The following SNRPB2 variants were observed in gnomAD, a reference collection of about 807,000 sequenced individuals.
SNRPB2 encodes the protein small nuclear ribonucleoprotein polypeptide B2, also known as U2 small nuclear ribonucleoprotein B''.
In SNRPB2, 16 loss-of-function variants were observed where a neutral mutation model predicts 26.3. The ratio of observed to expected loss-of-function variants is 0.61; its 90% CI spans 0.41 to 0.92. The LOEUF (loss-of-function observed/expected upper bound fraction) is 0.92, where lower values mean the gene tolerates loss of function less well. SNRPB2 is among the 40% of genes least tolerant of loss of function. The pLI is 0.00. For missense variants in SNRPB2, 179 were observed against 268.1 expected (o/e 0.67, Z 2.32); for synonymous variants, 75 against 89.0 (o/e 0.84, Z 0.88).
In SNRPB2 at chr20:16,733,033, T is replaced by C. The variant is rs151131909; in HGVS notation, c.237+697T>C. ...TTTCTATGTATGAGTGAATACACCA[T>C]ATCTTAGGTGTGGATTCCAAACTGC... On this transcript the variant is annotated intron_variant, in intron 3 of 6. Transcript: ENST00000246071. 2.9e-3 allele frequency among the ~76,000 whole-genome samples: 445 copies of C among 152,252 alleles called. 6 individuals are homozygous for C. Among genetic ancestry groups the C allele is most frequent in the African/African-American group, 0.01 (421 of 41,540 alleles).
At chr20:16,740,622 G>GATGTAATAACAA (rs2072457063) in intron 6 of SNRPB2, among the ~76,000 whole-genome samples, 1 of 152,174 alleles carries the variant, frequency 6.6e-6, no homozygotes, top group Non-Finnish European at 1.5e-5. Flanking sequence ...AACTCTGATT[G>GATGTAATAACAA]ATGTAATAAC....
chr20:16,731,792 C>A lies in SNRPB2; in HGVS notation c.64+26C>A. On this transcript the variant is annotated intron_variant, in intron 2 of 6. Transcript: ENST00000246071. ...GTAAGTGCTTTTTAGAATACTTGTT[C>A]ACTACTAAAATGTGTTTATTTACTA... 2.5e-6 allele frequency: 4 copies of A among 1,610,942 alleles called. No individual in the cohort carries two copies. In the South Asian group the frequency reaches 4.4e-5, roughly 18 times the overall value.
intron 3 of SNRPB2, among the ~76,000 whole-genome samples, chr20:16,736,564 AGTT>A (rs892562949): frequency 1.3e-4 from 20 of 152,208 alleles, no homozygotes; most frequent in African/African-American, 4.8e-4. Flanking sequence ...CTGCCAGAAA[AGTT>A]GTTCTGTGGG....
chr20:16,736,460 C>T (rs530111412), intron 3 of SNRPB2, among the ~76,000 whole-genome samples: 14 of 152,038 alleles, frequency 9.2e-5, no homozygotes, highest in Non-Finnish European at 2.1e-4. Flanking sequence ...TTATTTAAAT[C>T]CTCACATTTA....
intron 5 of SNRPB2, 38 bp from the exon 6 acceptor site, chr20:16,740,287 A>C: frequency 6.2e-7 from 1 of 1,604,830 alleles, no homozygotes; most frequent in Non-Finnish European, 8.5e-7. Context: ...ATGCTGTTTA[A>C]ACTTACAAGC....
intron 4 of SNRPB2, 57 bp downstream of exon 4, chr20:16,737,458 T>C: frequency 2.0e-6 from 3 of 1,464,490 alleles, no homozygotes; most frequent in South Asian, 2.7e-5. Context: ...TGATAGATGC[T>C]TGTCTTACAG....
intron 4 of SNRPB2, 104 bp downstream of exon 4, chr20:16,737,505 TA>T: frequency 1.0e-6 from 1 of 1,003,472 alleles, no homozygotes; most frequent in Non-Finnish European, 1.4e-6. Flanking sequence ...TATATGTGCA[TA>T]AATGTGTGTT....
rs774285743 is a variant in SNRPB2 at position 16,740,411 on chromosome 20, T to C, written c.516T>C (p.Asn172=). The change falls in exon 6 of 7, where the codon AAT becomes AAC. Residue 172 remains asparagine (N), a splice_region_variant and synonymous_variant. Transcript: ENST00000246071. Reference sequence around the variant, plus strand: ...AGATGATGTTATCCATGCTGTTTAATCAGTAAGTTTTTTCATAAATAAGTC... The same window carrying C: ...AGATGATGTTATCCATGCTGTTTAACCAGTAAGTTTTTTCATAAATAAGTC... The part of the protein sequence containing the change: ...TNEMMLSMLF[N]QFPGFKEVRL... The C allele has an allele frequency of 6.2e-7, 1 of 1,611,128 alleles. No homozygotes were observed. The highest frequency in any genetic ancestry group is 8.5e-7 in the Non-Finnish European group (1 of 1,178,592).
rs2072464207 is a variant in SNRPB2, at chr20:16,741,733, C to G, written c.*728C>G. Reference sequence around the variant, plus strand: ...TTTTTGATCTATAGTCTCTTTTCCCCCTTAAGACAAATAGACTGATTAATA... The same window carrying G: ...TTTTTGATCTATAGTCTCTTTTCCCGCTTAAGACAAATAGACTGATTAATA... On this transcript the variant is annotated 3_prime_UTR_variant, in exon 7 of 7. Coordinates refer to ENST00000246071, the MANE Select transcript of SNRPB2 (RefSeq NM_003092.5). The G allele has an allele frequency of 6.6e-6, 1 of 152,124 alleles. No homozygotes were observed. The highest frequency in any genetic ancestry group is 2.1e-4 in the South Asian group (1 of 4,832). 9.4% of individuals were successfully genotyped at this position (152,124 alleles called of 1,614,324 possible).
intron 3 of SNRPB2, among the ~76,000 whole-genome samples, chr20:16,734,143 T>G (rs1355297358): frequency 6.6e-6 from 1 of 152,204 alleles, no homozygotes; most frequent in Non-Finnish European, 1.5e-5. Context: ...TTGTTTGCTG[T>G]GTTGGGCACC....
At chr20:16,733,603 A>G (rs1600224911) in intron 3 of SNRPB2, among the ~76,000 whole-genome samples, 1 of 152,214 alleles carries the variant, frequency 6.6e-6, no homozygotes, top group East Asian at 1.9e-4. Context: ...GATAGTAAAT[A>G]TGTTACACTT....
Position 16,741,020 on chromosome 20 carries a change from G to A in SNRPB2, c.*15G>A, listed in dbSNP as rs376722538. The A allele has an allele frequency of 1.8e-5, 28 of 1,571,258 alleles. No homozygotes were observed. The highest frequency in any genetic ancestry group is 1.5e-4 in the Admixed American group (9 of 58,088). Reference sequence around the variant, plus strand: ...CCAAGAAATAACATTTGGGATAGTCGTCTTTAAAAGACTTGGTGTTATTTA... The same window carrying A: ...CCAAGAAATAACATTTGGGATAGTCATCTTTAAAAGACTTGGTGTTATTTA... On this transcript the variant is annotated 3_prime_UTR_variant, in exon 7 of 7. Transcript: ENST00000246071.
At chr20:16,733,082 A>G (rs1285545596) in intron 3 of SNRPB2, among the ~76,000 whole-genome samples, 1 of 152,152 alleles carries the variant, frequency 6.6e-6, no homozygotes, top group East Asian at 1.9e-4. Context: ...TTAGAATGTG[A>G]TGTGAAGGAG....
At chr20:16,731,563 A>G in intron 1 of SNRPB2, 105 bp from the exon 2 acceptor site, 1 of 1,185,716 alleles carries the variant, frequency 8.4e-7, no homozygotes, top group Non-Finnish European at 1.2e-6. Context: ...CCAAACTGAC[A>G]TTTTCTGACA....
At chr20:16,740,510 C>A (rs2072456301) in intron 6 of SNRPB2, 97 bp downstream of exon 6, 2 of 1,520,864 alleles carry the variant, frequency 1.3e-6, no homozygotes, top group East Asian at 2.3e-5. Context: ...AGCAGTAATT[C>A]CTTACAGGTT....
intron 2 of SNRPB2, 44 bp from the exon 3 acceptor site, chr20:16,732,120 A>G: frequency 8.2e-7 from 1 of 1,226,418 alleles, no homozygotes; most frequent in Non-Finnish European, 1.2e-6. Context: ...GACTTTTGTC[A>G]TTACTTTATT....
chr20:16,731,987 A>G (rs1260403806), intron 2 of SNRPB2, among the ~76,000 whole-genome samples, 177 bp from the exon 3 acceptor site: 1 of 152,202 alleles, frequency 6.6e-6, no homozygotes, highest in Non-Finnish European at 1.5e-5. Context: ...ATGGTTTCAT[A>G]TAACTTTTAA....
rs2072459084 is a variant in SNRPB2, at chr20:16,740,980, T to C, written c.653T>C (p.Met218Thr). The change falls in exon 7 of 7, where the codon ATG (methionine) becomes ACG (threonine). Residue 218 changes from methionine (M) to threonine (T), a missense_variant. By Grantham distance (81) the Met-to-Thr change is moderately conservative. This residue lies in a region of SNRPB2 where 34 missense variants were observed against 87.4 expected (regional missense o/e 0.39). Coordinates refer to ENST00000246071, the MANE Select transcript of SNRPB2 (RefSeq NM_003092.5). Reference protein sequence around the residue: ...QGFKITPSHAMKITYAKK With the variant: ...QGFKITPSHATKITYAKK ...TTTAAGATCACACCGTCCCATGCTA[T>C]GAAGATCACCTATGCCAAGAAATAA... The C allele has an allele frequency of 6.2e-7, 1 of 1,611,296 alleles. No individual in the cohort carries two copies. Among genetic ancestry groups the C allele is most frequent in the Non-Finnish European group, 8.5e-7 (1 of 1,178,144 alleles).
At chr20:16,735,315 T>G (rs1237178877) in intron 3 of SNRPB2, among the ~76,000 whole-genome samples, 1 of 152,212 alleles carries the variant, frequency 6.6e-6, no homozygotes, top group Non-Finnish European at 1.5e-5. Flanking sequence ...TTGTACAGAT[T>G]ACTACAAAGT....
Sources: allele counts gnomAD v4.1 joint callset (sites outside exome capture counted in the v4.1 genomes callset), GRCh38; gene constraint gnomAD v4.1.1; regional missense constraint gnomAD v4.1.1; transcripts MANE v1.5; gene names NCBI Gene and HGNC (gene_info 2026-07-23, HGNC 2026-07-21).